Variants in C10orf71 observed in about 807,000 individuals in gnomAD.
The protein encoded by C10orf71 is cardiac-enriched FHL2-interacting protein.
For missense variants in C10orf71, 1,869 were observed against 1,804.5 expected (o/e 1.04, Z -0.65); for synonymous variants, 758 against 726.3 (o/e 1.04, Z -0.70).
At chr10:49,317,815 C>T (rs1004438830) in intron 2 of C10orf71, among the ~76,000 whole-genome samples, 6 of 152,328 alleles carry the variant, frequency 3.9e-5, no homozygotes, top group East Asian at 3.9e-4. Flanking sequence ...TACGCCACTA[C>T]ACTCCAGCCT....
chr10:49,297,953 A>G (rs949826196), upstream of C10orf71, among the ~76,000 whole-genome samples: 1 of 152,226 alleles, frequency 6.6e-6, no homozygotes, highest in African/African-American at 2.4e-5. Context: ...GCAAAAGGCA[A>G]GTCTTGAGGC....
intron 1 of C10orf71, among the ~76,000 whole-genome samples, chr10:49,308,525 C>A (rs926769888): frequency 1.3e-5 from 2 of 152,202 alleles, no homozygotes; most frequent in African/African-American, 4.8e-5. Flanking sequence ...ACTGGATGCA[C>A]AATGACCCTT....
intron 2 of C10orf71, among the ~76,000 whole-genome samples, chr10:49,316,869 AG>A (rs1192628034): frequency 2.0e-4 from 31 of 152,268 alleles, no homozygotes; most frequent in Non-Finnish European, 4.4e-5. Context: ...CTGAAAACCA[AG>A]GGGAGAGGAA....
At position 49,326,092 on chromosome 10, in the gene C10orf71, C is replaced by G. The variant is rs930161211; in HGVS notation, c.3547C>G (p.Arg1183Gly). Reference protein sequence around the residue: ...VPPKTEKALRRAKKLASKRRK... With the variant: ...VPPKTEKALRGAKKLASKRRK... The stretch of plus-strand genomic sequence containing the variant: ...ACCCAAAACAGAGAAAGCCCTGCGG[C>G]GGGCAAAGAAGCTGGCAAGTAAGAG... The change falls in exon 3 of 3, where the codon CGG (arginine) becomes GGG (glycine). Residue 1183 changes from arginine to glycine, a missense_variant. By Grantham distance (125) the Arg-to-Gly change is moderately radical. Coordinates refer to ENST00000374144, the MANE Select transcript of C10orf71 (RefSeq NM_001135196.2). 1 of 1,551,588 alleles carries G rather than the reference C, an allele frequency of 6.4e-7. No individual in the cohort carries two copies. The highest frequency in any genetic ancestry group is 2.4e-5 in the East Asian group (1 of 40,930).
In C10orf71 at chr10:49,325,597, T is replaced by A. The variant is rs1564692884; in HGVS notation, c.3052T>A (p.Trp1018Arg). The change falls in exon 3 of 3, where the codon TGG becomes AGG. Residue 1018 changes from tryptophan (W) to arginine (R), a missense_variant. Physicochemically the swap from Trp to Arg is moderately radical, Grantham distance 101. Transcript: ENST00000374144. ...EGDIEDQPPP[W>R]QPENCWEEQT... ...TGACATAGAAGACCAGCCACCCCCATGGCAGCCCGAAAACTGTTGGGAAGA... is the reference window on the plus strand; with the variant it reads ...TGACATAGAAGACCAGCCACCCCCAAGGCAGCCCGAAAACTGTTGGGAAGA... 2 of 1,552,016 alleles carry A rather than the reference T, an allele frequency of 1.3e-6. No individual in the cohort carries two copies. Among genetic ancestry groups the A allele is most frequent in the South Asian group, 1.2e-5 (1 of 84,064 alleles).
rs1849168975 is a variant in C10orf71, at chr10:49,324,282, C to T, written c.1737C>T (p.Asp579=). ...ATCCCCAGAAGGACCCTACAGCTGA[C>T]CCCAGTGAGCCCTCTGCAGACAGCT... ...HINPQKDPTA[D]PSEPSADSYL... Residue 579 remains aspartate (D), a synonymous_variant, in exon 3 of 3, where the codon GAC becomes GAT. Coordinates refer to ENST00000374144, the MANE Select transcript of C10orf71 (RefSeq NM_001135196.2). 1.2e-6 allele frequency: 2 copies of T among 1,613,830 alleles called. No individual in the cohort carries two copies. Among genetic ancestry groups the T allele is most frequent in the South Asian group, 2.2e-5 (2 of 91,074 alleles).
chr10:49,315,908 T>C (rs1175914226), intron 1 of C10orf71, among the ~76,000 whole-genome samples: 1 of 152,134 alleles, frequency 6.6e-6, no homozygotes, highest in Non-Finnish European at 1.5e-5. Context: ...ATACAAAACT[T>C]AGCTGGGCAT....
At position 49,325,680 on chromosome 10, in the gene C10orf71, C is replaced by G. The variant is rs1292741043; in HGVS notation, c.3135C>G (p.Gly1045=). The G allele has an allele frequency of 4.5e-6, 7 of 1,551,916 alleles. No individual in the cohort carries two copies. In the African/African-American group the frequency reaches 9.6e-5, roughly 21 times the overall value. The part of the protein sequence containing the change: ...FLSTPRAGPP[G]RRLVPSERAN... Reference sequence around the variant, plus strand: ...CCACACCCAGAGCAGGGCCCCCTGGCAGAAGACTGGTCCCCAGTGAGAGGG... The same window carrying G: ...CCACACCCAGAGCAGGGCCCCCTGGGAGAAGACTGGTCCCCAGTGAGAGGG... The change falls in exon 3 of 3, where the codon GGC becomes GGG. Residue 1045 remains glycine, a synonymous_variant. Coordinates refer to ENST00000374144, the MANE Select transcript of C10orf71 (RefSeq NM_001135196.2).
chr10:49,299,306 G>A (rs1848683229), intron 1 of C10orf71, 73 bp downstream of exon 1: 1 of 152,318 alleles, frequency 6.6e-6, no homozygotes, highest in South Asian at 2.1e-4. Context: ...AGGTTTGTGA[G>A]CTAGAGGAGG....
At position 49,322,569 on chromosome 10, in the gene C10orf71, C is replaced by T. The variant is rs765432708; in HGVS notation, c.24C>T (p.Cys8=). 6.2e-7 allele frequency: 1 copy of T among 1,610,862 alleles called. No homozygotes were observed. The highest frequency in any genetic ancestry group is 1.1e-5 in the South Asian group (1 of 90,366). Residue 8 remains cysteine (C), a synonymous_variant, in exon 3 of 3, where the codon TGC becomes TGT. Coordinates refer to ENST00000374144, the MANE Select transcript of C10orf71 (RefSeq NM_001135196.2). MMQGNKK[C]TDAFSDSSSI... ...AGATGATGCAAGGAAATAAGAAGTG[C>T]ACAGACGCGTTCAGCGACTCCTCCA...
intron 2 of C10orf71, among the ~76,000 whole-genome samples, chr10:49,319,277 C>T (rs530485710): frequency 6.6e-6 from 1 of 152,054 alleles, no homozygotes; most frequent in African/African-American, 2.4e-5. Flanking sequence ...AAGCAGCATC[C>T]TCAGACAGGA....
Position 49,326,563 on chromosome 10 carries a change from C to G in C10orf71, c.4018C>G (p.Pro1340Ala), listed in dbSNP as rs1450871537. ...CTATGTGCTGTACCCCGGCTTCCAG[C>G]CAGTGCCCGTGACGGCCTTGATGCC... ...APYVLYPGFQ[P>A]VPVTALMPLR... Residue 1340 changes from proline to alanine, a missense_variant, in exon 3 of 3, where the codon CCA (proline) becomes GCA (alanine). By Grantham distance (27) the Pro-to-Ala change is conservative. Coordinates refer to ENST00000374144, the MANE Select transcript of C10orf71 (RefSeq NM_001135196.2). 3 of 1,550,724 alleles carry G rather than the reference C, an allele frequency of 1.9e-6. No individual in the cohort carries two copies. In the Admixed American group the frequency reaches 5.9e-5, roughly 30 times the overall value.
chr10:49,322,757 C>G lies in C10orf71; in HGVS notation c.212C>G (p.Thr71Arg). The G allele has an allele frequency of 6.2e-7, 1 of 1,613,688 alleles. No homozygotes were observed. The highest frequency in any genetic ancestry group is 1.1e-5 in the South Asian group (1 of 91,064). Residue 71 changes from threonine to arginine, a missense_variant, in exon 3 of 3, where the codon ACA (threonine) becomes AGA (arginine). Thr to Arg is a moderately conservative substitution (Grantham distance 71). Transcript: ENST00000374144. ...RQVFGTFHQRTVGHTQRKSGI... is the reference protein window; with the variant it reads ...RQVFGTFHQRRVGHTQRKSGI... ...GTGTTTGGGACTTTTCACCAGAGAA[C>G]AGTGGGCCACACCCAGAGGAAAAGT...
rs1849232986 is a variant in C10orf71 at position 49,325,998 on chromosome 10, A to G, written c.3453A>G (p.Ala1151=). 6.4e-7 allele frequency: 1 copy of G among 1,551,602 alleles called. No individual in the cohort carries two copies. The highest frequency in any genetic ancestry group is 8.7e-7 in the Non-Finnish European group (1 of 1,147,000). ...GSLLDVATSP[A]GTSGRLELPA... ...TGCTGGATGTGGCCACCAGCCCAGCAGGCACCTCTGGGAGACTTGAGCTTC... is the reference window on the plus strand; with the variant it reads ...TGCTGGATGTGGCCACCAGCCCAGCGGGCACCTCTGGGAGACTTGAGCTTC... Residue 1151 remains alanine (A), a synonymous_variant, in exon 3 of 3, where the codon GCA becomes GCG. Coordinates refer to ENST00000374144, the MANE Select transcript of C10orf71 (RefSeq NM_001135196.2).
At chr10:49,319,040 A>G (rs999294348) in intron 2 of C10orf71, among the ~76,000 whole-genome samples, 1 of 152,210 alleles carries the variant, frequency 6.6e-6, no homozygotes, top group African/African-American at 2.4e-5. Flanking sequence ...GCTGCTGTGA[A>G]TGGGAGTTCT....
intron 1 of C10orf71, among the ~76,000 whole-genome samples, chr10:49,303,559 C>T (rs1315594663): frequency 6.6e-6 from 1 of 152,184 alleles, no homozygotes; most frequent in Non-Finnish European, 1.5e-5. Flanking sequence ...TTAAGCCAGC[C>T]CCGAGGGCAT....
chr10:49,322,604 G>A lies in C10orf71; in HGVS notation c.59G>A (p.Ser20Asn), dbSNP rs1471782482. Reference sequence around the variant, plus strand: ...TTCAGCGACTCCTCCAGCATCGGCAGCGTGTTGGATGATGCAGACAGGGAG... The same window carrying A: ...TTCAGCGACTCCTCCAGCATCGGCAACGTGTTGGATGATGCAGACAGGGAG... The part of the protein sequence containing the change: ...DAFSDSSSIG[S>N]VLDDADREVS... The change falls in exon 3 of 3, where the codon AGC becomes AAC. Residue 20 changes from serine to asparagine, a missense_variant. Physicochemically the swap from Ser to Asn is conservative, Grantham distance 46. Transcript: ENST00000374144. 1.2e-6 allele frequency: 2 copies of A among 1,612,980 alleles called. No homozygotes were observed. The highest frequency in any genetic ancestry group is 1.7e-6 in the Non-Finnish European group (2 of 1,179,356).
Position 49,323,626 on chromosome 10 carries a change from G to A in C10orf71, c.1081G>A (p.Val361Met), listed in dbSNP as rs773543042. Residue 361 changes from valine (V) to methionine (M), a missense_variant, in exon 3 of 3, where the codon GTG becomes ATG. Val to Met is a conservative substitution (Grantham distance 21). Transcript: ENST00000374144. ...GGATCCAGGAGCCCAGGTATTTGCT[G>A]TGGAAGGAAAAGCTCCCAGCTCACA... is the stretch of plus-strand genomic sequence containing the variant. ...CRDPGAQVFA[V>M]EGKAPSSQPD... 2 of 1,604,636 alleles carry A rather than the reference G, an allele frequency of 1.2e-6. No individual in the cohort carries two copies. Among genetic ancestry groups the A allele is most frequent in the African/African-American group, 1.3e-5 (1 of 74,190 alleles).
intron 1 of C10orf71, among the ~76,000 whole-genome samples, chr10:49,309,111 A>G (rs935886363): frequency 6.6e-6 from 1 of 152,212 alleles, no homozygotes; most frequent in African/African-American, 2.4e-5. Context: ...CTGCTGCTTC[A>G]CAGACACTCA....
Sources: allele counts gnomAD v4.1 joint callset (sites outside exome capture counted in the v4.1 genomes callset), GRCh38; gene constraint gnomAD v4.1.1; transcripts MANE v1.5; gene names NCBI Gene and HGNC (gene_info 2026-07-23, HGNC 2026-07-21).